Variants in CRPPA observed in about 807,000 individuals in gnomAD.
The protein encoded by CRPPA is D-ribitol-5-phosphate cytidylyltransferase.
CRPPA carries 43 observed loss-of-function variants against 52.0 expected under a neutral mutation model. That is an observed-to-expected ratio of 0.83 (90% CI 0.65 to 1.07). CRPPA has a LOEUF of 1.07. Among genes scored for constraint, CRPPA ranks in the 50% least tolerant of loss-of-function variants. The pLI is 0.00. For synonymous variants in CRPPA, 250 were observed against 203.5 expected (o/e 1.23, Z -1.94); for missense variants, 629 against 551.7 (o/e 1.14, Z -1.40).
intron 9 of CRPPA, among the ~76,000 whole-genome samples, chr7:16,166,368 C>G (rs150799291): frequency 0.033 from 5,038 of 152,086 alleles, 273 homozygotes; most frequent in African/African-American, 0.12. Flanking sequence ...CAACCTCTGT[C>G]TTCCAGGTTC....
intron 8 of CRPPA, among the ~76,000 whole-genome samples, chr7:16,218,103 C>T (rs1782382461): frequency 6.6e-6 from 1 of 152,152 alleles, no homozygotes; most frequent in African/African-American, 2.4e-5. Context: ...TCCGCAGAAA[C>T]CCTACAAGCC....
At chr7:16,328,524 T>A (rs1785468670) in intron 3 of CRPPA, among the ~76,000 whole-genome samples, 1 of 152,182 alleles carries the variant, frequency 6.6e-6, no homozygotes, top group Non-Finnish European at 1.5e-5. Context: ...TGTTTTGTTC[T>A]GTTTTTCTGA....
intron 6 of CRPPA, among the ~76,000 whole-genome samples, chr7:16,264,909 C>G (rs1056899291): frequency 6.6e-6 from 1 of 152,140 alleles, no homozygotes; most frequent in Non-Finnish European, 1.5e-5. Flanking sequence ...ATCTCCAGAA[C>G]GTCGTTGCTG....
intron 5 of CRPPA, among the ~76,000 whole-genome samples, chr7:16,298,390 T>C (rs1449006057): frequency 6.6e-6 from 1 of 152,202 alleles, no homozygotes; most frequent in Non-Finnish European, 1.5e-5. Flanking sequence ...CAGAGACTTG[T>C]GGTTAACATT....
chr7:16,292,272 CA>C lies in CRPPA; in HGVS notation c.835+9148del, dbSNP rs371547730. Among the ~76,000 whole-genome samples, 96 of 152,040 alleles carry C rather than the reference CA, an allele frequency of 6.3e-4. 2 individuals carry two copies. The highest frequency in any genetic ancestry group is 2.3e-3 in the African/African-American group (95 of 41,530). The stretch of plus-strand genomic sequence containing the variant: ...AGACAATATCCTCAAATACCAAAGA[CA>C]ATTAGTATTTATTGAAGCACATATG... On this transcript the variant is annotated intron_variant, in intron 5 of 9. Coordinates refer to ENST00000407010, the MANE Select transcript of CRPPA (RefSeq NM_001101426.4).
intron 5 of CRPPA, among the ~76,000 whole-genome samples, chr7:16,289,027 T>A (rs1784506269): frequency 6.6e-6 from 1 of 151,820 alleles, no homozygotes; most frequent in Non-Finnish European, 1.5e-5. Flanking sequence ...GGAGACATTA[T>A]AACTGATACT....
At chr7:16,377,689 C>A (rs1786932278) in intron 2 of CRPPA, among the ~76,000 whole-genome samples, 1 of 152,194 alleles carries the variant, frequency 6.6e-6, no homozygotes, top group Non-Finnish European at 1.5e-5. Flanking sequence ...TGACCCGTTT[C>A]TTCTTCTATA....
At chr7:16,371,176 T>A (rs1364700043) in intron 3 of CRPPA, among the ~76,000 whole-genome samples, 1 of 152,162 alleles carries the variant, frequency 6.6e-6, no homozygotes, top group African/African-American at 2.4e-5. Context: ...TGCCCACCAT[T>A]GAGTATTACA....
intron 2 of CRPPA, 85 bp from the exon 3 acceptor site, chr7:16,376,326 GA>G: frequency 7.5e-7 from 1 of 1,327,054 alleles, no homozygotes; most frequent in Non-Finnish European, 1.0e-6. Flanking sequence ...ACTTTTGACA[GA>G]TCTTATTCAT....
intron 9 of CRPPA, among the ~76,000 whole-genome samples, chr7:16,201,811 A>G (rs929243006): frequency 6.6e-6 from 1 of 152,134 alleles, no homozygotes. Context: ...AAATAATTGT[A>G]TTATTTGCAA....
intron 3 of CRPPA, among the ~76,000 whole-genome samples, chr7:16,371,296 A>G (rs944587842): frequency 5.3e-5 from 8 of 152,130 alleles, no homozygotes; most frequent in African/African-American, 1.7e-4. Context: ...ATTAAACTGT[A>G]TACCACAACA....
chr7:16,204,790 A>C (rs757748828), intron 9 of CRPPA, among the ~76,000 whole-genome samples: 9 of 152,212 alleles, frequency 5.9e-5, no homozygotes, highest in Non-Finnish European at 7.3e-5. Context: ...CCCTGTCTTC[A>C]TAAGCTTTGA....
intron 9 of CRPPA, among the ~76,000 whole-genome samples, chr7:16,112,938 T>C (rs943465960): frequency 7.2e-5 from 11 of 151,960 alleles, no homozygotes; most frequent in Non-Finnish European, 1.5e-4. Flanking sequence ...AATACAGAAA[T>C]GCATTCATAA....
intron 2 of CRPPA, among the ~76,000 whole-genome samples, chr7:16,382,970 C>G (rs1787152149): frequency 6.6e-6 from 1 of 152,224 alleles, no homozygotes; most frequent in South Asian, 2.1e-4. Flanking sequence ...GTTTGATCAT[C>G]TGAAGCCTTC....
chr7:16,303,477 T>TAAAAAAAAAAAAAAAAAAAAAAAAAAA lies in CRPPA; in HGVS notation c.790-2012_790-2011insTTTTTTTTTTTTTTTTTTTTTTTTTTT, dbSNP rs545663821. 2.4e-4 allele frequency among the ~76,000 whole-genome samples: 11 copies of TAAAAAAAAAAAAAAAAAAAAAAAAAAA among 44,974 alleles called. 1 individual carries two copies. Among genetic ancestry groups the TAAAAAAAAAAAAAAAAAAAAAAAAAAA allele is most frequent in the East Asian group, 2.1e-3 (2 of 946 alleles). 29.5% of individuals were successfully genotyped at this position (44,974 alleles called of 152,430 possible). On this transcript the variant is annotated intron_variant, in intron 4 of 9. Transcript: ENST00000407010. Reference sequence around the variant, plus strand: ...GTTTCTGTGTTGAGACATAAAATAGTAAAAAAAAAAAAAAAAAAAAAAAAA... The same window carrying TAAAAAAAAAAAAAAAAAAAAAAAAAAA: ...GTTTCTGTGTTGAGACATAAAATAGTAAAAAAAAAAAAAAAAAAAAAAAAAAAAAAAAAAAAAAAAAAAAAAAAAAAA...
At chr7:16,200,817 T>C (rs930239406) in intron 9 of CRPPA, among the ~76,000 whole-genome samples, 23 of 152,200 alleles carry the variant, frequency 1.5e-4, no homozygotes, top group Non-Finnish European at 2.8e-4. Context: ...TTTCACACGG[T>C]AATGTGGTGA....
chr7:16,247,098 T>G (rs1037951928), intron 8 of CRPPA, among the ~76,000 whole-genome samples: 2 of 152,258 alleles, frequency 1.3e-5, no homozygotes, highest in Non-Finnish European at 2.9e-5. Context: ...CTGGATAACT[T>G]AGCGCAGCCT....
At chr7:16,246,735 G>C (rs2128408317) in intron 8 of CRPPA, among the ~76,000 whole-genome samples, 1 of 152,328 alleles carries the variant, frequency 6.6e-6, no homozygotes, top group African/African-American at 2.4e-5. Flanking sequence ...TTCTTTGTGA[G>C]CATTAAGTCT....
At chr7:16,378,246 G>A (rs1786957407) in intron 2 of CRPPA, among the ~76,000 whole-genome samples, 2 of 141,386 alleles carry the variant, frequency 1.4e-5, no homozygotes, top group South Asian at 2.5e-4. Context: ...ATCTCCTAAT[G>A]CTATCCCTCC....
Sources: allele counts gnomAD v4.1 joint callset (sites outside exome capture counted in the v4.1 genomes callset), GRCh38; gene constraint gnomAD v4.1.1; transcripts MANE v1.5; gene names NCBI Gene and HGNC (gene_info 2026-07-23, HGNC 2026-07-21).